Variants in CEP78 observed in about 807,000 individuals in gnomAD.
CEP78 encodes centrosomal protein 78, also known as centrosomal protein of 78 kDa.
A neutral mutation model predicts 81.2 loss-of-function variants in CEP78; 76 were observed. That is an observed-to-expected ratio of 0.94 (90% CI 0.78 to 1.13). CEP78 has a LOEUF of 1.13. Among genes scored for constraint, CEP78 ranks in the 50% most tolerant of loss-of-function variants. The probability of loss-of-function intolerance (pLI) is 0.00; values close to 1 mark genes in which losing one functional copy is unlikely to be tolerated. For missense variants in CEP78, 918 were observed against 846.8 expected (o/e 1.08, Z -1.04); for synonymous variants, 293 against 301.4 (o/e 0.97, Z 0.29).
chr9:78,261,139 C>T (rs973727149), intron 11 of CEP78, among the ~76,000 whole-genome samples: 10 of 152,084 alleles, frequency 6.6e-5, no homozygotes, highest in African/African-American at 1.7e-4. Flanking sequence ...TTAGTAGAGA[C>T]GGGGTTTCAC....
At position 78,265,483 on chromosome 9, in the gene CEP78, G is replaced by A. The variant is rs189732612; in HGVS notation, c.1737G>A (p.Ala579=). 4.9e-5 allele frequency: 78 copies of A among 1,588,620 alleles called. No individual in the cohort carries two copies. The highest frequency in any genetic ancestry group is 1.4e-4 in the East Asian group (6 of 44,032). Reference sequence around the variant, plus strand: ...ATCCACCTAAAGAAGAAAAGAAGGCGCTTGAAGATGAAAAACCAGAACCGA... The same window carrying A: ...ATCCACCTAAAGAAGAAAAGAAGGCACTTGAAGATGAAAAACCAGAACCGA... The part of the protein sequence containing the change: ...VSNPPKEEKK[A]LEDEKPEPKQ... The change falls in exon 14 of 17, where the codon GCG becomes GCA. Residue 579 remains alanine, a synonymous_variant. Transcript: ENST00000643273.
intron 12 of CEP78, 29 bp downstream of exon 12, chr9:78,263,013 A>G: frequency 6.9e-7 from 1 of 1,441,556 alleles, no homozygotes; most frequent in Non-Finnish European, 9.4e-7. Flanking sequence ...ACCTTTTGAG[A>G]GTTTTTTGTT....
chr9:78,237,748 A>T (rs1460788435), intron 1 of CEP78, among the ~76,000 whole-genome samples: 4 of 152,116 alleles, frequency 2.6e-5, no homozygotes, highest in African/African-American at 9.7e-5. Flanking sequence ...TCCATATGGA[A>T]GACAAATTAA....
Position 78,277,320 on chromosome 9 carries a change from T to G in CEP78, c.*6469T>G, listed in dbSNP as rs1383828930. On this transcript the variant is annotated 3_prime_UTR_variant, in exon 17 of 17. Transcript: ENST00000643273. ...ACTACATTTTTAAAAAGTAAAACCT[T>G]TCACTTTTTACAAAACTTTGATAAA... 1 of 152,052 alleles carries G rather than the reference T, an allele frequency of 6.6e-6. No individual in the cohort carries two copies. Among genetic ancestry groups the G allele is most frequent in the Non-Finnish European group, 1.5e-5 (1 of 67,990 alleles). 9.4% of individuals were successfully genotyped at this position (152,052 alleles called of 1,614,324 possible). A position where few individuals can be genotyped will look rare whatever the true frequency, so the allele number is the denominator to read the frequency against.
Position 78,243,511 on chromosome 9 carries a change from A to G in CEP78, c.653A>G (p.Tyr218Cys), listed in dbSNP as rs1440140206. Residue 218 changes from tyrosine to cysteine, a missense_variant, in exon 5 of 17, where the codon TAT (tyrosine) becomes TGT (cysteine). Coordinates refer to ENST00000643273, the MANE Select transcript of CEP78 (RefSeq NM_001330691.3). ...GAAACCTGGGCTGAGAGTCTTCGCTATAGGAGACCTGATCTTGACTGTATG... is the reference window on the plus strand; with the variant it reads ...GAAACCTGGGCTGAGAGTCTTCGCTGTAGGAGACCTGATCTTGACTGTATG... Reference protein sequence around the residue: ...HEETWAESLRYRRPDLDCMAG... With the variant: ...HEETWAESLRCRRPDLDCMAG... The G allele has an allele frequency of 8.7e-6, 14 of 1,613,780 alleles. No individual in the cohort carries two copies. Among genetic ancestry groups the G allele is most frequent in the East Asian group, 4.5e-5 (2 of 44,880 alleles).
At position 78,248,769 on chromosome 9, in the gene CEP78, G is replaced by A; in HGVS notation, c.965G>A (p.Trp322Ter). Residue 322 changes from tryptophan to a stop codon, truncating the protein, a stop_gained, in exon 8 of 17, where the codon TGG (tryptophan) becomes TAG (stop). Transcript: ENST00000643273. LOFTEE classifies it high-confidence loss of function. ...NGRSAKSEYQ[W>*]ITSPSVKEPS... ...TTATTCTGTCTCTTTTAGTACCAGT[G>A]GATAACTTCTCCATCAGTGAAGGAA... 2 of 1,549,700 alleles carry A rather than the reference G, an allele frequency of 1.3e-6. No individual in the cohort carries two copies. The highest frequency in any genetic ancestry group is 2.3e-5 in the East Asian group (1 of 44,038).
At chr9:78,247,619 G>C (rs570338088) in intron 6 of CEP78, among the ~76,000 whole-genome samples, 2 of 152,208 alleles carry the variant, frequency 1.3e-5, no homozygotes, top group East Asian at 1.9e-4. Context: ...AGCTGGTAAG[G>C]GTTATATTCC....
At chr9:78,258,594 C>T (rs768463895) in intron 11 of CEP78, among the ~76,000 whole-genome samples, 23 of 152,132 alleles carry the variant, frequency 1.5e-4, no homozygotes, top group Non-Finnish European at 2.6e-4. Flanking sequence ...AAGAATGAAC[C>T]AAACTCTTAC....
intron 11 of CEP78, among the ~76,000 whole-genome samples, chr9:78,259,940 A>G (rs1827199853): frequency 6.6e-6 from 1 of 152,262 alleles, no homozygotes; most frequent in Non-Finnish European, 1.5e-5. Context: ...TGTCTTTAAC[A>G]CACACATAAA....
intron 11 of CEP78, among the ~76,000 whole-genome samples, chr9:78,256,524 ATTTTTTTTTTTTTTTT>A (rs35059009): frequency 2.6e-5 from 2 of 76,692 alleles, no homozygotes; most frequent in African/African-American, 1.1e-4. Context: ...CTGCTCCCTT[ATTTTTTTTTTTTTTTT>A]TTTTTTTTTT....
intron 3 of CEP78, among the ~76,000 whole-genome samples, chr9:78,240,760 A>G (rs1826189893): frequency 6.6e-6 from 1 of 152,088 alleles, no homozygotes; most frequent in Non-Finnish European, 1.5e-5. Flanking sequence ...GGAGATTGAG[A>G]CTGTCCTGGC....
chr9:78,265,643 A>C (rs1032336633), intron 14 of CEP78, 100 bp downstream of exon 14: 3 of 1,116,584 alleles, frequency 2.7e-6, no homozygotes, highest in Non-Finnish European at 2.5e-6. Context: ...GCACATGCTC[A>C]GGGACCAGAA....
intron 11 of CEP78, among the ~76,000 whole-genome samples, chr9:78,261,396 A>C (rs969309107): frequency 6.6e-6 from 1 of 152,192 alleles, no homozygotes; most frequent in Non-Finnish European, 1.5e-5. Context: ...TTCCATGGGT[A>C]GAAGGGAGAA....
intron 8 of CEP78, among the ~76,000 whole-genome samples, chr9:78,251,132 T>G (rs997067081): frequency 1.3e-5 from 2 of 152,210 alleles, no homozygotes; most frequent in African/African-American, 4.8e-5. Context: ...AGGTCTAGCT[T>G]TTACTACCAA....
At position 78,274,643 on chromosome 9, in the gene CEP78, T is replaced by G. The variant is rs765807948; in HGVS notation, c.*3792T>G. 2.6e-5 allele frequency: 4 copies of G among 152,192 alleles called. No homozygotes were observed. Among genetic ancestry groups the G allele is most frequent in the Non-Finnish European group, 5.9e-5 (4 of 67,992 alleles). 9.4% of individuals were successfully genotyped at this position (152,192 alleles called of 1,614,324 possible). A position where few individuals can be genotyped will look rare whatever the true frequency, so the allele number is the denominator to read the frequency against. On this transcript the variant is annotated 3_prime_UTR_variant, in exon 17 of 17. Transcript: ENST00000643273. ...TTCATATAAATGATTCCTATGAAGGTAAAAAACTTACAAAATTCAAAGATC... is the reference window on the plus strand; with the variant it reads ...TTCATATAAATGATTCCTATGAAGGGAAAAAACTTACAAAATTCAAAGATC...
At chr9:78,253,074 C>T (rs977559262) in intron 9 of CEP78, among the ~76,000 whole-genome samples, 158 bp from the exon 10 acceptor site, 1 of 152,178 alleles carries the variant, frequency 6.6e-6, no homozygotes, top group Non-Finnish European at 1.5e-5. Context: ...TCAATTTTCT[C>T]CATAGCAGAG....
rs1032993829 is a variant in CEP78, at chr9:78,236,101, C to T, written c.-250C>T. 31 of 522,548 alleles carry T rather than the reference C, an allele frequency of 5.9e-5. No homozygotes were observed. The highest frequency in any genetic ancestry group is 8.4e-5 in the Non-Finnish European group (25 of 297,178). 32.4% of individuals were successfully genotyped at this position (522,548 alleles called of 1,614,324 possible). On this transcript the variant is annotated 5_prime_UTR_variant, in exon 1 of 17. Transcript: ENST00000643273. ...GCTTGAATCCCGGCGCCTCAGAGGACTATGAGGCGGGCGCCAACTGCTTGG... is the reference window on the plus strand; with the variant it reads ...GCTTGAATCCCGGCGCCTCAGAGGATTATGAGGCGGGCGCCAACTGCTTGG...
At chr9:78,270,568 T>C (rs1024698208) in intron 16 of CEP78, among the ~76,000 whole-genome samples, 53 of 152,334 alleles carry the variant, frequency 3.5e-4, no homozygotes, top group African/African-American at 1.3e-3. Flanking sequence ...TGTGATACTG[T>C]AGCAAAGAGC....
At chr9:78,250,463 G>A in intron 8 of CEP78, 1 of 330,640 alleles carries the variant, frequency 3.0e-6, no homozygotes, top group East Asian at 4.4e-5. Flanking sequence ...TTGCGGCCGG[G>A]CACGGTGGCT....
Sources: gnomAD v4.1 joint callset for allele counts (sites outside exome capture counted in the v4.1 genomes callset) on GRCh38, gnomAD v4.1.1 for gene constraint, MANE v1.5 for transcripts, NCBI Gene and HGNC (gene_info 2026-07-23, HGNC 2026-07-21) for gene names.